The following ARAP2 variants were observed in gnomAD, a reference collection of about 807,000 sequenced individuals.
The protein encoded by ARAP2 is arf-GAP with Rho-GAP domain, ANK repeat and PH domain-containing protein 2.
In ARAP2, 148 loss-of-function variants were observed where a neutral mutation model predicts 194.5. The ratio of observed to expected loss-of-function variants is 0.76; its 90% CI spans 0.67 to 0.87. The LOEUF is 0.87. Ranked by LOEUF, ARAP2 falls within the 40% of genes least tolerant of loss-of-function variation. ARAP2 has a pLI of 0.00. For missense variants in ARAP2, 2,128 were observed against 1,989.7 expected (o/e 1.07, Z -1.32); for synonymous variants, 695 against 683.5 (o/e 1.02, Z -0.26).
At chr4:36,124,450 T>C (rs1197472029) in intron 22 of ARAP2, among the ~76,000 whole-genome samples, 3 of 151,842 alleles carry the variant, frequency 2.0e-5, no homozygotes, top group South Asian at 2.1e-4. Flanking sequence ...TACAAAATTG[T>C]TTTTGATTTT....
Position 36,177,940 on chromosome 4 carries a change from A to G in ARAP2, c.1744T>C (p.Ser582Pro), listed in dbSNP as rs1361808254. The G allele has an allele frequency of 6.2e-7, 1 of 1,613,492 alleles. No homozygotes were observed. The highest frequency in any genetic ancestry group is 8.5e-7 in the Non-Finnish European group (1 of 1,179,730). Residue 582 changes from serine (S) to proline (P), a missense_variant, in exon 9 of 33, where the codon TCT becomes CCT. Ser to Pro is a moderately conservative substitution (Grantham distance 74). Coordinates refer to ENST00000303965, the MANE Select transcript of ARAP2 (RefSeq NM_015230.4). ...TTCTCAGGTGTAACAACAGCTTGAG[A>G]CTGCGAGGTAAGGGATTGTGATTTC... ...ALKSQSLTSQ[S>P]QAVVTPEKCG...
At chr4:36,182,347 C>T (rs1183979842) in intron 8 of ARAP2, among the ~76,000 whole-genome samples, 1 of 152,192 alleles carries the variant, frequency 6.6e-6, no homozygotes, top group Non-Finnish European at 1.5e-5. Flanking sequence ...AAAAAATTAG[C>T]CGTGCATGTT....
chr4:36,075,592 T>C (rs188013040), intron 31 of ARAP2, among the ~76,000 whole-genome samples: 334 of 152,228 alleles, frequency 2.2e-3, no homozygotes, highest in Admixed American at 5.2e-3. Context: ...CCACCACCAC[T>C]CTTCTCACAA....
intron 5 of ARAP2, among the ~76,000 whole-genome samples, chr4:36,020,725 T>A (rs978532747): frequency 6.1e-4 from 93 of 152,350 alleles, no homozygotes; most frequent in African/African-American, 2.2e-3. Flanking sequence ...AGACTGCTGG[T>A]TAGACTGCAG....
intron 5 of ARAP2, among the ~76,000 whole-genome samples, chr4:36,020,366 G>T (rs1449949249): frequency 6.6e-6 from 1 of 152,178 alleles, no homozygotes; most frequent in Non-Finnish European, 1.5e-5. Flanking sequence ...AGCTGAGATT[G>T]TGCCATTGCA....
chr4:36,074,151 C>T (rs1474798910), intron 31 of ARAP2, among the ~76,000 whole-genome samples: 1 of 152,082 alleles, frequency 6.6e-6, no homozygotes, highest in African/African-American at 2.4e-5. Context: ...GTCTACATTG[C>T]TAGGCACTGT....
chr4:36,079,036 C>T lies in ARAP2; in HGVS notation c.4608+1180G>A, dbSNP rs113850453. On this transcript the variant is annotated intron_variant, in intron 31 of 32. Coordinates refer to ENST00000303965, the MANE Select transcript of ARAP2 (RefSeq NM_015230.4). Reference sequence around the variant, plus strand: ...TAAAAATACAAAAATTAGCTGGGCACGGTGGTGCACGCCTGTAATCCCAGA... The same window carrying T: ...TAAAAATACAAAAATTAGCTGGGCATGGTGGTGCACGCCTGTAATCCCAGA... Among the ~76,000 whole-genome samples the T allele has an allele frequency of 7.1e-3, 1,073 of 151,612 alleles. 19 individuals carry two copies. Among genetic ancestry groups the T allele is most frequent in the African/African-American group, 0.025 (1,015 of 41,340 alleles).
At chr4:36,167,749 A>G (rs1735621334) in intron 9 of ARAP2, among the ~76,000 whole-genome samples, 1 of 152,140 alleles carries the variant, frequency 6.6e-6, no homozygotes, top group African/African-American at 2.4e-5. Context: ...CAAAATCTAT[A>G]GTTACTATGT....
At chr4:36,107,511 C>T (rs1718719538) in intron 27 of ARAP2, 54 bp downstream of exon 27, 2 of 1,553,356 alleles carry the variant, frequency 1.3e-6, no homozygotes, top group Non-Finnish European at 1.7e-6. Flanking sequence ...ATTAATTACC[C>T]TTTAACCACT....
At chr4:36,243,123 CT>C (rs922290430) in intron 1 of ARAP2, among the ~76,000 whole-genome samples, 2 of 151,548 alleles carry the variant, frequency 1.3e-5, no homozygotes, top group Non-Finnish European at 2.9e-5. Flanking sequence ...AGGTATTTCT[CT>C]TTTTTTCCTT....
At chr4:36,140,139 T>TACAC (rs66531233) in intron 19 of ARAP2, among the ~76,000 whole-genome samples, 24,063 of 140,292 alleles carry the variant, frequency 0.17, 2,150 homozygotes, top group Middle Eastern at 0.24. Flanking sequence ...ACAAAAACAA[T>TACAC]ACACACACAC....
At chr4:36,023,364 A>G (rs1315154696) in intron 5 of ARAP2, among the ~76,000 whole-genome samples, 1 of 152,180 alleles carries the variant, frequency 6.6e-6, no homozygotes, top group Non-Finnish European at 1.5e-5. Context: ...CCATCATGTC[A>G]TATCAACAGT....
At chr4:36,006,839 T>C (rs1193766763) in intron 10 of ARAP2, 1 of 152,124 alleles carries the variant, frequency 6.6e-6, no homozygotes, top group African/African-American at 2.4e-5. Flanking sequence ...TACATATATA[T>C]GTATAAAATT....
intron 6 of ARAP2, among the ~76,000 whole-genome samples, chr4:36,204,581 A>G (rs1745117543): frequency 6.6e-6 from 1 of 152,216 alleles, no homozygotes; most frequent in Admixed American, 6.5e-5. Flanking sequence ...AGCCCAAACT[A>G]AAGTTTTCTT....
intron 1 of ARAP2, among the ~76,000 whole-genome samples, chr4:36,237,794 A>T (rs1296156814): frequency 6.6e-6 from 1 of 152,252 alleles, no homozygotes; most frequent in African/African-American, 2.4e-5. Context: ...TTGCTTTGGT[A>T]CAAAACACAG....
chr4:36,054,888 C>T (rs1274413131), intron 2 of ARAP2, among the ~76,000 whole-genome samples: 2 of 152,098 alleles, frequency 1.3e-5, no homozygotes, highest in East Asian at 1.9e-4. Context: ...CTGTAGTCTA[C>T]TTTAAGGACA....
At chr4:36,200,592 T>C (rs1161212140) in intron 6 of ARAP2, among the ~76,000 whole-genome samples, 2 of 152,162 alleles carry the variant, frequency 1.3e-5, no homozygotes, top group Admixed American at 1.3e-4. Context: ...GATTAATTCA[T>C]ACTGGTAAAC....
intron 16 of ARAP2, among the ~76,000 whole-genome samples, chr4:36,149,763 A>C (rs1400330629): frequency 6.6e-6 from 1 of 152,174 alleles, no homozygotes; most frequent in East Asian, 1.9e-4. Flanking sequence ...ATTAATAATC[A>C]GTTTTGTTCA....
intron 32 of ARAP2, among the ~76,000 whole-genome samples, chr4:36,069,924 A>C (rs1428825569): frequency 6.6e-6 from 1 of 152,028 alleles, no homozygotes; most frequent in Admixed American, 6.6e-5. Flanking sequence ...AAAAGTGTGT[A>C]GCACCTTTCC....
Sources: gnomAD v4.1 joint callset for allele counts (sites outside exome capture counted in the v4.1 genomes callset) on GRCh38, gnomAD v4.1.1 for gene constraint, MANE v1.5 for transcripts, NCBI Gene and HGNC (gene_info 2026-07-23, HGNC 2026-07-21) for gene names.